The following NBAS variants were observed in gnomAD, a reference collection of about 807,000 sequenced individuals.
NBAS encodes the protein NBAS subunit of NRZ tethering complex.
In NBAS, 219 loss-of-function variants were observed where a neutral mutation model predicts 302.5. That is an observed-to-expected ratio of 0.72 (90% CI 0.65 to 0.81). The LOEUF (loss-of-function observed/expected upper bound fraction) is 0.81, where lower values mean the gene tolerates loss of function less well. NBAS is among the 30% of genes least tolerant of loss of function. NBAS has a pLI of 0.00. For synonymous variants in NBAS, 1,118 were observed against 1,021.6 expected, an observed-to-expected ratio of 1.09 and a Z score of -1.80; for missense variants, 2,932 against 2,841.6, an observed-to-expected ratio of 1.03 and a Z score of -0.72.
intron 9 of NBAS, among the ~76,000 whole-genome samples, chr2:15,526,669 A>G (rs1241560033): frequency 6.6e-6 from 1 of 152,208 alleles, no homozygotes; most frequent in Non-Finnish European, 1.5e-5. Flanking sequence ...CTTCATTCAG[A>G]AACAATAATG....
chr2:15,447,759 G>T (rs1335233814), intron 21 of NBAS, among the ~76,000 whole-genome samples: 4 of 152,122 alleles, frequency 2.6e-5, no homozygotes, highest in Non-Finnish European at 1.5e-5. Flanking sequence ...ATAAATCAAA[G>T]CACAAGTGTT....
intron 21 of NBAS, among the ~76,000 whole-genome samples, chr2:15,438,649 A>C (rs1039962327): frequency 6.6e-6 from 1 of 152,216 alleles, no homozygotes; most frequent in Non-Finnish European, 1.5e-5. Flanking sequence ...GCAGCATAAA[A>C]AGGGAACTCT....
intron 44 of NBAS, among the ~76,000 whole-genome samples, chr2:15,255,812 CT>C (rs969844646): frequency 1.3e-5 from 2 of 152,088 alleles, no homozygotes; most frequent in African/African-American, 4.8e-5. Flanking sequence ...ATAGAGTGAC[CT>C]TTCCCCACTT....
intron 44 of NBAS, among the ~76,000 whole-genome samples, chr2:15,252,781 G>C (rs142802546): frequency 1.3e-5 from 2 of 151,942 alleles, no homozygotes; most frequent in Non-Finnish European, 2.9e-5. Context: ...TTTCATACTC[G>C]CTATGAGCTA....
intron 44 of NBAS, among the ~76,000 whole-genome samples, chr2:15,250,654 T>A (rs951356885): frequency 6.6e-6 from 1 of 152,172 alleles, no homozygotes; most frequent in African/African-American, 2.4e-5. Flanking sequence ...GCAAAGGATA[T>A]GAACAGACAC....
At chr2:14,786,601 G>C in the NBAS span, among the ~76,000 whole-genome samples, 1 of 152,136 alleles carries the variant, frequency 6.6e-6, no homozygotes, top group African/African-American at 2.4e-5. Context: ...TTCAGGAGCA[G>C]GTTGTTCAGT....
chr2:15,097,917 ATATATTATATATATTACATATATAT>A, the NBAS span, among the ~76,000 whole-genome samples: 7 of 67,338 alleles, frequency 1.0e-4, no homozygotes, highest in Non-Finnish European at 1.4e-4. Flanking sequence ...ATACAATATT[ATATATTATATATATTACATATATAT>A]TATATTGTAT....
intron 21 of NBAS, among the ~76,000 whole-genome samples, chr2:15,443,217 C>T (rs960066932): frequency 1.3e-5 from 2 of 152,010 alleles, no homozygotes; most frequent in Non-Finnish European, 2.9e-5. Context: ...AATTTTAGAC[C>T]AATATCCTTG....
At chr2:15,049,158 C>T in the NBAS span, among the ~76,000 whole-genome samples, 5 of 152,208 alleles carry the variant, frequency 3.3e-5, no homozygotes, top group Non-Finnish European at 5.9e-5. Context: ...CCAGTTTGGT[C>T]CAGGACTCAA....
At chr2:14,820,890 T>C in the NBAS span, among the ~76,000 whole-genome samples, 4 of 152,038 alleles carry the variant, frequency 2.6e-5, no homozygotes, top group Non-Finnish European at 5.9e-5. Flanking sequence ...GAGCAGCTTC[T>C]GTGAGGTCTG....
At chr2:15,193,239 T>C (rs904122760) in intron 48 of NBAS, among the ~76,000 whole-genome samples, 3 of 152,178 alleles carry the variant, frequency 2.0e-5, no homozygotes, top group African/African-American at 7.2e-5. Flanking sequence ...TTGACCCCCA[T>C]ATTTTAACTA....
chr2:15,248,466 C>T (rs1188820668), intron 44 of NBAS, among the ~76,000 whole-genome samples: 1 of 152,042 alleles, frequency 6.6e-6, no homozygotes, highest in Non-Finnish European at 1.5e-5. Context: ...AAGATCAGAG[C>T]AGTACTGAAG....
chr2:15,277,817 T>C (rs1470949172), intron 42 of NBAS, among the ~76,000 whole-genome samples: 2 of 152,150 alleles, frequency 1.3e-5, no homozygotes, highest in East Asian at 3.8e-4. Flanking sequence ...TGGTTTGTGC[T>C]TTTAGAAGGG....
chr2:14,915,877 C>T, the NBAS span, among the ~76,000 whole-genome samples: 1,608 of 152,086 alleles, frequency 0.011, 35 homozygotes, highest in African/African-American at 0.037. Context: ...GTTTTAAAAA[C>T]GGGAGTTTCT....
intron 48 of NBAS, among the ~76,000 whole-genome samples, chr2:15,216,298 C>T (rs911173900): frequency 4.0e-5 from 6 of 151,766 alleles, no homozygotes; most frequent in Admixed American, 2.6e-4. Context: ...AGCAGAGAGG[C>T]GAGAAAACAA....
rs371412366 is a variant in NBAS at position 15,475,980 on chromosome 2, CATT to C, written c.1148-103_1148-101del. ...TCAATTTTAAAACAAAATTTATCTA[CATT>C]ATTTGGGCCCTAATGGTATGTTAAA... On this transcript the variant is annotated intron_variant, in intron 13 of 51. Transcript: ENST00000281513. 4.4e-5 allele frequency: 41 copies of C among 937,422 alleles called. No homozygotes were observed. The African/African-American group carries it at 5.6e-4, about 13-fold the overall frequency. 58.1% of individuals were successfully genotyped at this position (937,422 alleles called of 1,614,324 possible).
chr2:15,161,547 A>G, the NBAS span, among the ~76,000 whole-genome samples: 1 of 152,196 alleles, frequency 6.6e-6, no homozygotes, highest in Non-Finnish European at 1.5e-5. Context: ...TGTCCAGAAG[A>G]GAAAGTTCAC....
At chr2:15,072,123 C>T in the NBAS span, among the ~76,000 whole-genome samples, 2 of 152,190 alleles carry the variant, frequency 1.3e-5, no homozygotes, top group African/African-American at 4.8e-5. Flanking sequence ...TCATTACTTT[C>T]CAAAACTTTT....
intron 25 of NBAS, among the ~76,000 whole-genome samples, chr2:15,411,102 T>A (rs1676664377): frequency 6.6e-6 from 1 of 152,184 alleles, no homozygotes; most frequent in Non-Finnish European, 1.5e-5. Context: ...CTACAGCAGC[T>A]GCTGGGGCCA....
Sources: allele counts gnomAD v4.1 joint callset (sites outside exome capture counted in the v4.1 genomes callset), GRCh38; gene constraint gnomAD v4.1.1; transcripts MANE v1.5; gene names NCBI Gene and HGNC (gene_info 2026-07-23, HGNC 2026-07-21).